The following TTC16 variants were observed in gnomAD, a reference collection of about 807,000 sequenced individuals.
TTC16 encodes the protein tetratricopeptide repeat domain 16, also known as tetratricopeptide repeat protein 16.
In TTC16, 66 loss-of-function variants were observed where a neutral mutation model predicts 80.4. That is an observed-to-expected ratio of 0.82 (90% CI 0.67 to 1.01). The LOEUF is 1.01. Ranked by LOEUF, TTC16 falls within the 50% of genes least tolerant of loss-of-function variation. The probability of loss-of-function intolerance (pLI) is 0.00; values close to 1 mark genes in which losing one functional copy is unlikely to be tolerated. For synonymous variants in TTC16, 438 were observed against 451.3 expected, an observed-to-expected ratio of 0.97 and a Z score of 0.37; for missense variants, 1,070 against 1,103.2, an observed-to-expected ratio of 0.97 and a Z score of 0.43.
chr9:127,719,511 G>T (rs1333211583), intron 4 of TTC16, among the ~76,000 whole-genome samples: 1 of 152,168 alleles, frequency 6.6e-6, no homozygotes, highest in Non-Finnish European at 1.5e-5. Flanking sequence ...TTTTGTTTTT[G>T]AGATGGAGTC....
chr9:127,729,549 A>G, intron 12 of TTC16, 32 bp from the exon 13 acceptor site: 1 of 1,599,054 alleles, frequency 6.3e-7, no homozygotes, highest in Non-Finnish European at 8.6e-7. Context: ...GCCTCCTACC[A>G]TCTGAACTAC....
intron 4 of TTC16, 106 bp downstream of exon 4, chr9:127,717,878 T>C: frequency 7.2e-7 from 1 of 1,398,592 alleles, no homozygotes; most frequent in Non-Finnish European, 9.5e-7. Flanking sequence ...TCCTTGTCCC[T>C]GTGTCTGGGT....
rs572603081 is a variant in TTC16 at position 127,725,525 on chromosome 9, C to G, written c.1259+628C>G. On this transcript the variant is annotated intron_variant, in intron 9 of 13. Coordinates refer to ENST00000373289, the MANE Select transcript of TTC16 (RefSeq NM_144965.3). ...CTTGCAGTGAGCCGAGATCAAGCCA[C>G]TGCACTCCAGCCTGGGTGACAGAGT... Among the ~76,000 whole-genome samples, 832 of 139,776 alleles carry G rather than the reference C, an allele frequency of 6.0e-3. 14 individuals are homozygous for G. Among genetic ancestry groups the G allele is most frequent in the African/African-American group, 0.021 (791 of 37,644 alleles). 91.7% of individuals were successfully genotyped at this position (139,776 alleles called of 152,430 possible). A position where few individuals can be genotyped will look rare whatever the true frequency, so the allele number is the denominator to read the frequency against.
Position 127,727,038 on chromosome 9 carries a change from C to T in TTC16, c.1494C>T (p.Ala498=), listed in dbSNP as rs748943357. The T allele has an allele frequency of 1.2e-6, 2 of 1,612,698 alleles. No homozygotes were observed. Among genetic ancestry groups the T allele is most frequent in the Admixed American group, 3.3e-5 (2 of 60,020 alleles). The change falls in exon 11 of 14, where the codon GCC becomes GCT. Residue 498 remains alanine, a synonymous_variant. Transcript: ENST00000373289. ...AGGAGGTGCTTAGCACCCAGATAGC[C>T]CACCTGGCCAGGCTGCAGCTGGAGC... ...SVEEVLSTQI[A]HLARLQLEQM... is the part of the protein sequence containing the mutation.
chr9:127,724,887 C>G lies in TTC16; in HGVS notation c.1249C>G (p.Gln417Glu). ...LLQEKMGFCE[Q>E]RRKQFQKAEN... ...GCAGGAGAAGATGGGCTTCTGCGAG[C>G]AGAGGCGCAAGTGCGTGGGCTCCCG... Residue 417 changes from glutamine (Q) to glutamate (E), a missense_variant, in exon 9 of 14, where the codon CAG (glutamine) becomes GAG (glutamate). Transcript: ENST00000373289. 6.5e-7 allele frequency: 1 copy of G among 1,548,216 alleles called. No homozygotes were observed. Among genetic ancestry groups the G allele is most frequent in the Non-Finnish European group, 8.7e-7 (1 of 1,150,408 alleles).
chr9:127,724,704 C>A (rs1019649483), intron 8 of TTC16, 52 bp from the exon 9 acceptor site: 7 of 1,579,366 alleles, frequency 4.4e-6, no homozygotes, highest in Non-Finnish European at 6.0e-6. Flanking sequence ...TGGGCTGGGG[C>A]TCCCGGGCAC....
chr9:127,726,843 T>C (rs1844017586), intron 10 of TTC16, 127 bp from the exon 11 acceptor site: 2 of 824,932 alleles, frequency 2.4e-6, no homozygotes, highest in Admixed American at 2.4e-5. Flanking sequence ...ACAAAAAACA[T>C]TGCAAAACTC....
chr9:127,729,777 A>G, intron 13 of TTC16, 109 bp downstream of exon 13: 1 of 994,394 alleles, frequency 1.0e-6, no homozygotes, highest in Non-Finnish European at 1.5e-6. Flanking sequence ...CCCGCTGCTG[A>G]CAGCTGGGTG....
At chr9:127,725,022 T>C (rs1231530484) in intron 9 of TTC16, 125 bp downstream of exon 9, 25 of 1,203,042 alleles carry the variant, frequency 2.1e-5, no homozygotes, top group Non-Finnish European at 2.7e-5. Context: ...GGCTCATCCC[T>C]GTAATCCCCA....
intron 9 of TTC16, among the ~76,000 whole-genome samples, chr9:127,725,358 A>G (rs967303408): frequency 6.6e-6 from 1 of 150,996 alleles, no homozygotes; most frequent in Non-Finnish European, 1.5e-5. Context: ...AGGTCAGGAG[A>G]TCGAGACCAT....
At chr9:127,726,783 G>C (rs1843997461) in intron 10 of TTC16, among the ~76,000 whole-genome samples, 187 bp from the exon 11 acceptor site, 1 of 120,980 alleles carries the variant, frequency 8.3e-6, no homozygotes, top group African/African-American at 3.0e-5. Flanking sequence ...GTGAGACTCT[G>C]TCTCAAAAAA....
At chr9:127,730,332 G>A (rs879456949) in intron 13 of TTC16, 17 of 442,136 alleles carry the variant, frequency 3.8e-5, no homozygotes, top group Non-Finnish European at 3.7e-5. Context: ...GTGCCAGGCG[G>A]GGGGACGCAG....
Position 127,722,286 on chromosome 9 carries a change from C to T in TTC16, c.658-833C>T, listed in dbSNP as rs762642783. 1.9e-4 allele frequency among the ~76,000 whole-genome samples: 29 copies of T among 152,312 alleles called. No homozygotes were observed. The highest frequency in any genetic ancestry group is 3.4e-3 in the Middle Eastern group (1 of 294). On this transcript the variant is annotated intron_variant, in intron 6 of 13. Transcript: ENST00000373289. The surrounding 1 kb of genome is among the most constrained non-coding windows in gnomAD (Gnocchi z 4.2). Reference sequence around the variant, plus strand: ...CCGTTCACCTGCCAGCCAGTCACCCCGCAGGGAACAGGGTGTTGTTGAACT... The same window carrying T: ...CCGTTCACCTGCCAGCCAGTCACCCTGCAGGGAACAGGGTGTTGTTGAACT...
chr9:127,716,399 G>A, intron 1 of TTC16: 1 of 615,326 alleles, frequency 1.6e-6, no homozygotes, highest in Non-Finnish European at 2.9e-6. Context: ...TCACCAAAAT[G>A]GGAGAACCTG....
At position 127,724,742 on chromosome 9, in the gene TTC16, C is replaced by T. The variant is rs766907860; in HGVS notation, c.1118-14C>T. ...GGAGTTGGGGGTCCACTCACCCCCG[C>T]CTCCGGACCCTAGATTGCTTCTTCC... On this transcript the variant is annotated splice_polypyrimidine_tract_variant and intron_variant, in intron 8 of 13. Transcript: ENST00000373289. 1.2e-6 allele frequency: 2 copies of T among 1,605,644 alleles called. No homozygotes were observed. Among genetic ancestry groups the T allele is most frequent in the Non-Finnish European group, 1.7e-6 (2 of 1,178,142 alleles).
intron 11 of TTC16, 44 bp downstream of exon 11, chr9:127,727,156 C>G: frequency 6.5e-7 from 1 of 1,534,132 alleles, no homozygotes; most frequent in Non-Finnish European, 8.8e-7. Context: ...TGGGGAATGG[C>G]TGCAGCTCCA....
chr9:127,730,717 T>C lies in TTC16; in HGVS notation c.1934T>C (p.Phe645Ser). 6.2e-7 allele frequency: 1 copy of C among 1,613,444 alleles called. No homozygotes were observed. Among genetic ancestry groups the C allele is most frequent in the South Asian group, 1.1e-5 (1 of 91,070 alleles). The part of the protein sequence containing the change: ...YRSTSATAVT[F>S]SDSSLLKTQS... ...AGCACCTCAGCCACCGCCGTGACATTCTCTGACTCGTCACTGTTGAAGACG... is the reference window on the plus strand; with the variant it reads ...AGCACCTCAGCCACCGCCGTGACATCCTCTGACTCGTCACTGTTGAAGACG... Residue 645 changes from phenylalanine to serine, a missense_variant, in exon 14 of 14, where the codon TTC (phenylalanine) becomes TCC (serine). Physicochemically the swap from Phe to Ser is radical, Grantham distance 155 (BLOSUM62 -2). Transcript: ENST00000373289.
chr9:127,726,245 C>G lies in TTC16; in HGVS notation c.1266C>G (p.Phe422Leu). The change falls in exon 10 of 14, where the codon TTC becomes TTG. Residue 422 changes from phenylalanine (F) to leucine (L), a missense_variant. By Grantham distance (22) the Phe-to-Leu change is conservative. Coordinates refer to ENST00000373289, the MANE Select transcript of TTC16 (RefSeq NM_144965.3). ...MGFCEQRRKQ[F>L]QKAENHFSTA... ...GACCCACTGTGTCGTGCAGGCAGTT[C>G]CAGAAGGCAGAGAACCACTTCTCCA... is the stretch of plus-strand genomic sequence containing the variant. 13 of 1,590,734 alleles carry G rather than the reference C, an allele frequency of 8.2e-6. No homozygotes were observed. The highest frequency in any genetic ancestry group is 1.1e-5 in the Non-Finnish European group (13 of 1,164,864).
Position 127,724,811 on chromosome 9 carries a change from G to A in TTC16, c.1173G>A (p.Ala391=), listed in dbSNP as rs1432756708. Residue 391 remains alanine, a synonymous_variant, in exon 9 of 14, where the codon GCG becomes GCA. Coordinates refer to ENST00000373289, the MANE Select transcript of TTC16 (RefSeq NM_144965.3). ...LAFAEADYQQ[A]LALSPQDEGA... is the part of the protein sequence containing the mutation. ...TTGCCGAGGCGGACTACCAGCAGGC[G>A]CTGGCGCTGAGCCCTCAGGACGAGG... is the stretch of plus-strand genomic sequence containing the variant. 7 of 1,609,128 alleles carry A rather than the reference G, an allele frequency of 4.4e-6. No individual in the cohort carries two copies. Among genetic ancestry groups the A allele is most frequent in the Non-Finnish European group, 5.9e-6 (7 of 1,178,728 alleles).
Sources: gnomAD v4.1 joint callset for allele counts (sites outside exome capture counted in the v4.1 genomes callset) on GRCh38, gnomAD v4.1.1 for gene constraint, Gnocchi (gnomAD v3.1) non-coding constraint, MANE v1.5 for transcripts, NCBI Gene and HGNC (gene_info 2026-07-23, HGNC 2026-07-21) for gene names.